Variants in PIEZO2 observed in about 807,000 individuals in gnomAD.
PIEZO2 encodes piezo-type mechanosensitive ion channel component 2.
PIEZO2 carries 172 observed loss-of-function variants against 337.3 expected under a neutral mutation model. The ratio of observed to expected loss-of-function variants is 0.51; its 90% CI spans 0.45 to 0.58. The LOEUF (loss-of-function observed/expected upper bound fraction) is 0.58, where lower values mean the gene tolerates loss of function less well. Among genes scored for constraint, PIEZO2 ranks in the 20% least tolerant of loss-of-function variants. The pLI is 0.00. For missense variants in PIEZO2, 3,028 were observed against 3,391.3 expected (o/e 0.89, Z 2.66); for synonymous variants, 1,251 against 1,228.5 (o/e 1.02, Z -0.38).
intron 2 of PIEZO2, among the ~76,000 whole-genome samples, chr18:11,055,277 T>G (rs949862979): frequency 1.4e-5 from 2 of 145,350 alleles, no homozygotes; most frequent in East Asian, 4.1e-4. Context: ...ACAGAGGAGG[T>G]TTGCAGGGAG....
chr18:10,764,975 A>G (rs2038291368), intron 21 of PIEZO2, among the ~76,000 whole-genome samples: 1 of 152,230 alleles, frequency 6.6e-6, no homozygotes. Context: ...TATGTCTGTT[A>G]TTATGTATCT....
chr18:10,887,195 G>C (rs2042632821), intron 4 of PIEZO2, among the ~76,000 whole-genome samples: 1 of 149,092 alleles, frequency 6.7e-6, no homozygotes, highest in Non-Finnish European at 1.5e-5. Context: ...TCAGTCTCCT[G>C]ATTAGCTGGG....
At chr18:10,762,769 G>T in intron 22 of PIEZO2, 144 bp from the exon 23 acceptor site, 2 of 1,313,484 alleles carry the variant, frequency 1.5e-6, no homozygotes, top group Non-Finnish European at 2.0e-6. Context: ...AGTATGAGAC[G>T]AGGCTTAACA....
Position 10,752,627 on chromosome 18 carries a change from A to G in PIEZO2, c.4167+9T>C. 6.5e-7 allele frequency: 1 copy of G among 1,536,838 alleles called. No individual in the cohort carries two copies. Among genetic ancestry groups the G allele is most frequent in the Non-Finnish European group, 8.7e-7 (1 of 1,146,616 alleles). On this transcript the variant is annotated intron_variant, in intron 28 of 55. Transcript: ENST00000674853. ...ACCGCAAATGTGTTATGCAGTGGCAACCACTTACTGACAGGATATTTTTCA... is the reference window on the plus strand; with the variant it reads ...ACCGCAAATGTGTTATGCAGTGGCAGCCACTTACTGACAGGATATTTTTCA...
chr18:10,689,570 G>T, intron 49 of PIEZO2, 85 bp downstream of exon 49: 1 of 1,580,600 alleles, frequency 6.3e-7, no homozygotes, highest in Non-Finnish European at 8.7e-7. Flanking sequence ...TGCCTTCATT[G>T]TGAGCAGAAG....
rs544655961 is a variant in PIEZO2, at chr18:10,850,213, T to A, written c.917+5140A>T. On this transcript the variant is annotated intron_variant, in intron 7 of 55. Transcript: ENST00000674853. This position sits in a 1 kb window ranked among gnomAD's most constrained non-coding sequence, Gnocchi z 4.5. The stretch of plus-strand genomic sequence containing the variant: ...GCAAAAACTCAACCACATGTGCAGA[T>A]GAAACTGGAAGGAAGCACGTGATTT... 6.6e-6 allele frequency among the ~76,000 whole-genome samples: 1 copy of A among 152,226 alleles called. No homozygotes were observed. Among genetic ancestry groups the A allele is most frequent in the African/African-American group, 2.4e-5 (1 of 41,534 alleles).
intron 3 of PIEZO2, among the ~76,000 whole-genome samples, chr18:10,951,684 G>T (rs374083071): frequency 2.0e-5 from 3 of 152,058 alleles, no homozygotes; most frequent in African/African-American, 7.2e-5. Flanking sequence ...TCATTCTTTT[G>T]GGAACCACTT....
chr18:10,758,620 T>C (rs1478827107), intron 26 of PIEZO2, among the ~76,000 whole-genome samples: 1 of 152,190 alleles, frequency 6.6e-6, no homozygotes, highest in Non-Finnish European at 1.5e-5. Context: ...TAATTTTTTT[T>C]ACCTCCCACC....
At chr18:11,004,306 A>G (rs1366878142) in intron 2 of PIEZO2, among the ~76,000 whole-genome samples, 1 of 152,108 alleles carries the variant, frequency 6.6e-6, no homozygotes, top group African/African-American at 2.4e-5. Context: ...ACAACTTCCA[A>G]ATTTCCAGAT....
At chr18:11,012,367 A>G (rs2035937125) in intron 2 of PIEZO2, among the ~76,000 whole-genome samples, 1 of 152,250 alleles carries the variant, frequency 6.6e-6, no homozygotes, top group Admixed American at 6.5e-5. Flanking sequence ...TTCCAAGCAT[A>G]TAGGACACTT....
At chr18:10,991,215 TAC>T (rs573598542) in intron 2 of PIEZO2, among the ~76,000 whole-genome samples, 86 of 147,724 alleles carry the variant, frequency 5.8e-4, no homozygotes, top group East Asian at 7.9e-4. Context: ...CATATATATA[TAC>T]ACACACACAC....
At chr18:10,810,321 AC>A (rs747727230) in intron 7 of PIEZO2, among the ~76,000 whole-genome samples, 1 of 152,040 alleles carries the variant, frequency 6.6e-6, no homozygotes, top group Admixed American at 6.6e-5. Context: ...TGGGGCCCAC[AC>A]TCCCACTTTG....
At chr18:10,907,562 C>A (rs1319513996) in intron 4 of PIEZO2, among the ~76,000 whole-genome samples, 1 of 152,160 alleles carries the variant, frequency 6.6e-6, no homozygotes, top group Non-Finnish European at 1.5e-5. Flanking sequence ...ATTGTCTATT[C>A]TCCTCATCAG....
At chr18:11,024,887 C>T (rs560135419) in intron 2 of PIEZO2, among the ~76,000 whole-genome samples, 10 of 151,736 alleles carry the variant, frequency 6.6e-5, no homozygotes, top group Admixed American at 1.3e-4. Flanking sequence ...GATCTGCCCC[C>T]CGTGGCCTCC....
intron 5 of PIEZO2, among the ~76,000 whole-genome samples, chr18:10,868,865 C>A (rs2042070904): frequency 6.6e-6 from 1 of 152,140 alleles, no homozygotes; most frequent in Non-Finnish European, 1.5e-5. Context: ...CTTTCTTAGT[C>A]CTATGGCAAA....
chr18:10,752,988 C>A, intron 27 of PIEZO2, 109 bp from the exon 28 acceptor site: 1 of 1,305,294 alleles, frequency 7.7e-7, no homozygotes, highest in South Asian at 1.6e-5. Flanking sequence ...CTGCACCTTG[C>A]AAATCAGACT....
Position 10,722,827 on chromosome 18 carries a change from A to G in PIEZO2, c.5030-4568T>C, listed in dbSNP as rs371189182. ...AACATAAATGAAGAAGTTTCCATAGACAAGTCCTGGAATATTACAGTGTTA... is the reference window on the plus strand; with the variant it reads ...AACATAAATGAAGAAGTTTCCATAGGCAAGTCCTGGAATATTACAGTGTTA... On this transcript the variant is annotated intron_variant, in intron 36 of 55. Coordinates refer to ENST00000674853, the MANE Select transcript of PIEZO2 (RefSeq NM_001378183.1). 1.4e-3 allele frequency among the ~76,000 whole-genome samples: 211 copies of G among 152,304 alleles called. 2 individuals carry two copies. Among genetic ancestry groups the G allele is most frequent in the African/African-American group, 4.8e-3 (201 of 41,566 alleles).
At chr18:11,122,272 C>T (rs1369665054) in intron 1 of PIEZO2, among the ~76,000 whole-genome samples, 3 of 152,074 alleles carry the variant, frequency 2.0e-5, no homozygotes, top group Admixed American at 2.0e-4. Context: ...TTCTTTCAAT[C>T]TTATTTAGAA....
At chr18:10,692,863 T>C (rs2034912621) in intron 47 of PIEZO2, among the ~76,000 whole-genome samples, 1 of 152,200 alleles carries the variant, frequency 6.6e-6, no homozygotes, top group South Asian at 2.1e-4. Flanking sequence ...TGCAATTCCA[T>C]ATGAATTTTT....
Sources: gnomAD v4.1 joint callset for allele counts (sites outside exome capture counted in the v4.1 genomes callset) on GRCh38, gnomAD v4.1.1 for gene constraint, Gnocchi (gnomAD v3.1) non-coding constraint, MANE v1.5 for transcripts, NCBI Gene and HGNC (gene_info 2026-07-23, HGNC 2026-07-21) for gene names.